RARB: variants seen among roughly 807,000 people sequenced by gnomAD.
RARB encodes retinoic acid receptor beta.
Under a neutral mutation model 51.9 loss-of-function variants are expected in RARB, and 17 were observed. That is an observed-to-expected ratio of 0.33 (90% CI 0.22 to 0.49). The LOEUF (loss-of-function observed/expected upper bound fraction) is 0.49. RARB is among the 20% of genes least tolerant of loss of function. The pLI is 0.99. For synonymous variants in RARB, 215 were observed against 195.4 expected (o/e 1.10, Z -0.84); for missense variants, 369 against 550.8 (o/e 0.67, Z 3.30).
intron 3 of RARB, among the ~76,000 whole-genome samples, chr3:25,104,650 G>T (rs560775498): frequency 6.6e-6 from 1 of 151,556 alleles, no homozygotes; most frequent in Admixed American, 6.6e-5. Context: ...TCACAAAAGA[G>T]AAAAGAAAAA....
chr3:25,207,706 A>G (rs943768291), intron 5 of RARB, among the ~76,000 whole-genome samples: 5 of 152,182 alleles, frequency 3.3e-5, no homozygotes, highest in African/African-American at 7.2e-5. Context: ...AACATACCCC[A>G]AGTAGTTAGA....
At chr3:25,020,161 T>C (rs1247215634) in intron 2 of RARB, 2 of 149,858 alleles carry the variant, frequency 1.3e-5, no homozygotes, top group Non-Finnish European at 1.5e-5. Flanking sequence ...ATTATTTTAT[T>C]TGAGAGAGGT....
At chr3:25,511,878 A>G (rs143050627) in intron 3 of RARB, among the ~76,000 whole-genome samples, 103 of 152,324 alleles carry the variant, frequency 6.8e-4, no homozygotes, top group Non-Finnish European at 7.6e-4. Context: ...CAAGGGGTCA[A>G]TGAATGGGTG....
intron 2 of RARB, among the ~76,000 whole-genome samples, chr3:24,935,048 C>T (rs1020088150): frequency 6.6e-6 from 1 of 152,084 alleles, no homozygotes; most frequent in African/African-American, 2.4e-5. Flanking sequence ...ACTATGATTG[C>T]ATTAACGTAT....
At chr3:24,881,185 C>A (rs1161780894) in intron 2 of RARB, among the ~76,000 whole-genome samples, 2 of 152,178 alleles carry the variant, frequency 1.3e-5, no homozygotes, top group African/African-American at 4.8e-5. Context: ...TTGCCTTCTG[C>A]CATGATTACA....
chr3:24,977,410 A>G (rs1470023226), intron 2 of RARB, among the ~76,000 whole-genome samples: 2 of 152,190 alleles, frequency 1.3e-5, no homozygotes, highest in Non-Finnish European at 2.9e-5. Flanking sequence ...ATGTTCTTCC[A>G]TTTGTTTGTG....
At chr3:25,474,395 C>A (rs186107565) in intron 2 of RARB, among the ~76,000 whole-genome samples, 245 of 152,298 alleles carry the variant, frequency 1.6e-3, no homozygotes, top group Middle Eastern at 6.8e-3. Flanking sequence ...AGCTGCTGCT[C>A]TAATTTATAT....
intron 1 of RARB, among the ~76,000 whole-genome samples, chr3:25,452,731 A>T (rs1709249562): frequency 6.6e-6 from 1 of 152,184 alleles, no homozygotes; most frequent in Non-Finnish European, 1.5e-5. Context: ...AAAGTCTGAA[A>T]GGATTGTTGT....
At chr3:25,334,258 A>G (rs1473074695) in intron 5 of RARB, among the ~76,000 whole-genome samples, 3 of 152,162 alleles carry the variant, frequency 2.0e-5, no homozygotes, top group African/African-American at 4.8e-5. Flanking sequence ...ATTCACAATA[A>G]CAAAGACTTG....
In RARB at chr3:25,292,747, A is replaced by G. The variant is rs185598362; in HGVS notation, c.178+118172A>G. Among the ~76,000 whole-genome samples, 338 of 152,296 alleles carry G rather than the reference A, an allele frequency of 2.2e-3. 3 individuals carry two copies. Among genetic ancestry groups the G allele is most frequent in the African/African-American group, 7.8e-3 (324 of 41,566 alleles). ...AGCTGTCCCCACTGGCAAGTGGGGA[A>G]GAAAGAGCCCTGCGTTGGTTTCAAA... is the stretch of plus-strand genomic sequence containing the variant. On this transcript the variant is annotated intron_variant, in intron 5 of 11. Transcript: ENST00000383772.
At chr3:25,157,460 G>A (rs1361545745) in intron 4 of RARB, among the ~76,000 whole-genome samples, 2 of 151,696 alleles carry the variant, frequency 1.3e-5, no homozygotes, top group African/African-American at 4.8e-5. Context: ...CTGGAATGCA[G>A]TAGTGCAATC....
chr3:25,351,045 A>G (rs1041309676), intron 5 of RARB, among the ~76,000 whole-genome samples: 2 of 152,308 alleles, frequency 1.3e-5, no homozygotes, highest in East Asian at 3.9e-4. Flanking sequence ...ACCTGGCTTT[A>G]TCTAACGTCT....
At chr3:25,487,677 T>C (rs1696537247) in intron 2 of RARB, among the ~76,000 whole-genome samples, 1 of 152,182 alleles carries the variant, frequency 6.6e-6, no homozygotes, top group Admixed American at 6.5e-5. Context: ...TAAAAGCCAT[T>C]TGGAAACCTG....
At chr3:25,594,739 G>T (rs1008147116) in intron 7 of RARB, 61 bp downstream of exon 7, 2 of 1,395,170 alleles carry the variant, frequency 1.4e-6, no homozygotes, top group Non-Finnish European at 1.9e-6. Context: ...TTACCAGGTT[G>T]TGTTGCTTTA....
intron 1 of RARB, among the ~76,000 whole-genome samples, chr3:25,448,937 C>T (rs555395418): frequency 3.6e-4 from 54 of 152,062 alleles, no homozygotes; most frequent in Non-Finnish European, 5.6e-4. Flanking sequence ...TTCAGCCCCT[C>T]ATTTGGGGCG....
intron 2 of RARB, among the ~76,000 whole-genome samples, chr3:24,911,486 C>T (rs1190238286): frequency 6.6e-6 from 1 of 152,142 alleles, no homozygotes; most frequent in African/African-American, 2.4e-5. Context: ...GAGGAATGGT[C>T]CCATGGTTTG....
chr3:25,574,987 T>G (rs150340484), intron 4 of RARB, among the ~76,000 whole-genome samples: 186 of 152,244 alleles, frequency 1.2e-3, no homozygotes, highest in African/African-American at 4.0e-3. Flanking sequence ...GTTAACTTAG[T>G]GAGCCTCAGT....
intron 2 of RARB, among the ~76,000 whole-genome samples, chr3:24,896,985 T>TG (rs1703491887): frequency 6.6e-6 from 1 of 152,228 alleles, no homozygotes; most frequent in Non-Finnish European, 1.5e-5. Context: ...TTTGTCTGAA[T>TG]GGAAAGCCAT....
At chr3:24,915,581 T>A (rs1290216496) in intron 2 of RARB, among the ~76,000 whole-genome samples, 1 of 152,186 alleles carries the variant, frequency 6.6e-6, no homozygotes, top group East Asian at 1.9e-4. Context: ...ACTAGAGATA[T>A]ATGCCCAAAT....
Sources: gnomAD v4.1 joint callset for allele counts (sites outside exome capture counted in the v4.1 genomes callset) on GRCh38, gnomAD v4.1.1 for gene constraint, MANE v1.5 for transcripts, NCBI Gene and HGNC (gene_info 2026-07-23, HGNC 2026-07-21) for gene names.